SPRED2: variants seen among roughly 807,000 people sequenced by gnomAD.
SPRED2 encodes sprouty-related, EVH1 domain-containing protein 2.
A neutral mutation model predicts 43.0 loss-of-function variants in SPRED2; 47 were observed. The ratio of observed to expected loss-of-function variants is 1.09; its 90% CI spans 0.87 to 1.40. SPRED2 has a LOEUF of 1.40. SPRED2 is among the 40% of genes most tolerant of loss of function. The pLI is 0.00. For synonymous variants in SPRED2, 225 were observed against 225.7 expected, an observed-to-expected ratio of 1.00 and a Z score of 0.03; for missense variants, 561 against 586.4, an observed-to-expected ratio of 0.96 and a Z score of 0.45.
rs1674704408 is a variant in SPRED2 at position 65,357,934 on chromosome 2, A to G, written c.27-13038T>C. Among the ~76,000 whole-genome samples the G allele has an allele frequency of 2.6e-5, 4 of 152,114 alleles. No homozygotes were observed. The South Asian group carries it at 8.3e-4, about 32-fold the overall frequency. On this transcript the variant is annotated intron_variant, in intron 1 of 5. Coordinates refer to ENST00000356388, the MANE Select transcript of SPRED2 (RefSeq NM_181784.3). ...GTAAAATGAGGGGTAGAGACCACAA[A>G]TGACTTTTGAGACCCTTTCAACTTT...
chr2:65,411,820 T>C (rs1017159119), intron 1 of SPRED2, among the ~76,000 whole-genome samples: 42 of 152,170 alleles, frequency 2.8e-4, no homozygotes, highest in African/African-American at 9.2e-4. Flanking sequence ...TACTCCGTAG[T>C]TTAACATTTA....
intron 1 of SPRED2, among the ~76,000 whole-genome samples, chr2:65,355,522 G>A (rs933386447): frequency 5.9e-5 from 9 of 152,126 alleles, no homozygotes; most frequent in African/African-American, 1.9e-4. Context: ...TTTGAGACTA[G>A]CCTGGCTAAC....
At chr2:65,344,552 G>A (rs1406900903) in intron 2 of SPRED2, 167 bp downstream of exon 2, 9 of 841,946 alleles carry the variant, frequency 1.1e-5, no homozygotes, top group South Asian at 1.4e-5. Context: ...GGACAGTCAC[G>A]TTTTACAATT....
At chr2:65,351,612 C>A (rs946049911) in intron 1 of SPRED2, among the ~76,000 whole-genome samples, 1 of 152,166 alleles carries the variant, frequency 6.6e-6, no homozygotes, top group African/African-American at 2.4e-5. Context: ...ATCACATCCC[C>A]CGCCCCCGGT....
chr2:65,421,039 A>G (rs1254999043), intron 1 of SPRED2, among the ~76,000 whole-genome samples: 2 of 152,220 alleles, frequency 1.3e-5, no homozygotes, highest in Non-Finnish European at 2.9e-5. Flanking sequence ...CCGTGCATAC[A>G]TGACTGATTT....
intron 5 of SPRED2, among the ~76,000 whole-genome samples, chr2:65,315,265 C>A (rs1216235171): frequency 2.7e-5 from 4 of 149,320 alleles, no homozygotes; most frequent in African/African-American, 1.0e-4. Context: ...CTAGCTAGTA[C>A]CTAAGACTCA....
chr2:65,322,288 A>ATTTTTTTT (rs1286632853), intron 4 of SPRED2, among the ~76,000 whole-genome samples: 3 of 88,544 alleles, frequency 3.4e-5, no homozygotes, highest in African/African-American at 1.6e-4. Flanking sequence ...ATATATATAT[A>ATTTTTTTT]TATATATTTT....
intron 1 of SPRED2, among the ~76,000 whole-genome samples, chr2:65,401,929 G>GCA (rs1323484008): frequency 2.7e-4 from 23 of 84,412 alleles, no homozygotes; most frequent in African/African-American, 1.1e-3. Context: ...GAATATTAGC[G>GCA]CGCGCGCGCA....
intron 1 of SPRED2, among the ~76,000 whole-genome samples, chr2:65,384,868 C>T (rs1057224266): frequency 6.6e-6 from 1 of 152,176 alleles, no homozygotes; most frequent in African/African-American, 2.4e-5. Flanking sequence ...ATTGCCTGTT[C>T]ATTTCTGTGC....
intron 1 of SPRED2, among the ~76,000 whole-genome samples, chr2:65,400,718 T>G (rs1349282043): frequency 6.6e-6 from 1 of 152,200 alleles, no homozygotes; most frequent in African/African-American, 2.4e-5. Context: ...CTTGCTCTGA[T>G]GGAAGGTCCT....
intron 4 of SPRED2, among the ~76,000 whole-genome samples, chr2:65,319,299 G>C (rs951825783): frequency 6.6e-6 from 1 of 152,166 alleles, no homozygotes; most frequent in Non-Finnish European, 1.5e-5. Context: ...GGTGCTCTCC[G>C]AAGCAATATA....
intron 1 of SPRED2, among the ~76,000 whole-genome samples, chr2:65,360,403 T>A (rs114364681): frequency 6.6e-6 from 1 of 152,268 alleles, no homozygotes; most frequent in African/African-American, 2.4e-5. Context: ...ATGGAAGCTC[T>A]TGTGTTAACT....
At chr2:65,328,979 G>C (rs934469372) in intron 4 of SPRED2, among the ~76,000 whole-genome samples, 5 of 152,192 alleles carry the variant, frequency 3.3e-5, no homozygotes, top group African/African-American at 1.2e-4. Flanking sequence ...TTCCACTTAA[G>C]AATGAAAAGA....
intron 1 of SPRED2, chr2:65,366,777 A>G: frequency 7.4e-7 from 1 of 1,356,520 alleles, no homozygotes; most frequent in Non-Finnish European, 9.5e-7. Flanking sequence ...ATTGTACCGG[A>G]TGAGTCATCC....
chr2:65,398,422 A>G (rs1209036097), intron 1 of SPRED2, among the ~76,000 whole-genome samples: 1 of 152,232 alleles, frequency 6.6e-6, no homozygotes, highest in African/African-American at 2.4e-5. Flanking sequence ...AGCAAAAGAA[A>G]CAATCAGCAC....
intron 1 of SPRED2, among the ~76,000 whole-genome samples, chr2:65,356,517 T>G (rs1674648794): frequency 1.2e-5 from 1 of 84,822 alleles, no homozygotes; most frequent in Non-Finnish European, 2.1e-5. Flanking sequence ...CTATTTAGAG[T>G]GCAGTTCCCC....
rs80063073 is a variant in SPRED2, at chr2:65,424,627, TA to T, written c.26+7334del. ...GGGCAACAGAGCAAGACCCCATCTC[TA>T]AAAAAAAAGTAATAAAAATAAAAGA... On this transcript the variant is annotated intron_variant, in intron 1 of 5. Coordinates refer to ENST00000356388, the MANE Select transcript of SPRED2 (RefSeq NM_181784.3). 6.1e-4 allele frequency among the ~76,000 whole-genome samples: 92 copies of T among 149,848 alleles called. No individual in the cohort carries two copies. The East Asian group carries it at 0.012, about 20-fold the overall frequency.
At chr2:65,418,020 C>CA (rs1461318119) in intron 1 of SPRED2, among the ~76,000 whole-genome samples, 1 of 152,216 alleles carries the variant, frequency 6.6e-6, no homozygotes, top group Non-Finnish European at 1.5e-5. Flanking sequence ...CCATCTTCCC[C>CA]AACAACTATC....
chr2:65,344,841 C>T lies in SPRED2; in HGVS notation c.82G>A (p.Gly28Arg), dbSNP rs765398690. ...AVVMTRDDSSGGWFPQEGGGI... is the reference protein window; with the variant it reads ...AVVMTRDDSSRGWFPQEGGGI... ...CCTCCTTCCTGTGGGAACCATCCCC[C>T]GCTGGAGTCATCTCTGGTCATAACC... is the stretch of plus-strand genomic sequence containing the variant. The change falls in exon 2 of 6, where the codon GGG becomes AGG. Residue 28 changes from glycine (G) to arginine (R), a missense_variant. Around this residue, in one of 6 missense-constraint regions of SPRED2, gnomAD observed 305 missense variants for 282.4 expected, o/e 1.08. Transcript: ENST00000356388. 17 of 1,614,012 alleles carry T rather than the reference C, an allele frequency of 1.1e-5. No homozygotes were observed. Among genetic ancestry groups the T allele is most frequent in the Middle Eastern group, 1.6e-4 (1 of 6,084 alleles).
Sources: gnomAD v4.1 joint callset for allele counts (sites outside exome capture counted in the v4.1 genomes callset) on GRCh38, gnomAD v4.1.1 for gene constraint, gnomAD v4.1.1 regional missense constraint, MANE v1.5 for transcripts, NCBI Gene and HGNC (gene_info 2026-07-23, HGNC 2026-07-21) for gene names.